Variants in ABTB3 observed in about 807,000 individuals in gnomAD.
The protein encoded by ABTB3 is ankyrin repeat and BTB domain containing 3.
the ABTB3 span, chr12:107,619,925 C>T: frequency 2.8e-6 from 4 of 1,448,496 alleles, no homozygotes; most frequent in Non-Finnish European, 3.7e-6. Context: ...GGTTGTTTTC[C>T]ACCTTTCCCC....
the ABTB3 span, among the ~76,000 whole-genome samples, chr12:107,326,133 G>C: frequency 2.0e-5 from 3 of 152,154 alleles, no homozygotes; most frequent in Admixed American, 2.0e-4. Flanking sequence ...TCGAACTTCT[G>C]ACCTCAGGTG....
the ABTB3 span, among the ~76,000 whole-genome samples, chr12:107,569,900 G>A: frequency 6.6e-6 from 1 of 152,184 alleles, no homozygotes; most frequent in Non-Finnish European, 1.5e-5. Context: ...GGCTTCCACC[G>A]CATGGTCCAA....
the ABTB3 span, among the ~76,000 whole-genome samples, chr12:107,497,657 A>G: frequency 6.6e-6 from 1 of 152,184 alleles, no homozygotes; most frequent in Non-Finnish European, 1.5e-5. Context: ...ATTCTGTTGG[A>G]TGATGGATGA....
At chr12:107,451,100 A>T in the ABTB3 span, among the ~76,000 whole-genome samples, 1 of 152,160 alleles carries the variant, frequency 6.6e-6, no homozygotes. Flanking sequence ...CTGTGATATT[A>T]TGCAACTGCC....
At chr12:107,328,396 T>A in the ABTB3 span, among the ~76,000 whole-genome samples, 5 of 152,342 alleles carry the variant, frequency 3.3e-5, no homozygotes, top group African/African-American at 9.6e-5. Context: ...TATCTTTATC[T>A]TTATTATTAT....
the ABTB3 span, among the ~76,000 whole-genome samples, chr12:107,443,683 C>T: frequency 2.6e-5 from 4 of 152,088 alleles, no homozygotes; most frequent in Non-Finnish European, 5.9e-5. Context: ...CTCTGAGCGT[C>T]GTGTTGGGAA....
At chr12:107,638,819 G>A in the ABTB3 span, among the ~76,000 whole-genome samples, 1 of 152,174 alleles carries the variant, frequency 6.6e-6, no homozygotes, top group African/African-American at 2.4e-5. Context: ...CTGAGGCATG[G>A]GTTGGCTAAA....
chr12:107,470,545 G>A, the ABTB3 span, among the ~76,000 whole-genome samples: 1 of 152,292 alleles, frequency 6.6e-6, no homozygotes, highest in African/African-American at 2.4e-5. Flanking sequence ...CCAGGGTCAC[G>A]GTGTGGGCAG....
chr12:107,504,835 C>G, the ABTB3 span, among the ~76,000 whole-genome samples: 1 of 152,228 alleles, frequency 6.6e-6, no homozygotes, highest in Non-Finnish European at 1.5e-5. Flanking sequence ...ATGCTTCTGA[C>G]AGCTGGTGTG....
the ABTB3 span, among the ~76,000 whole-genome samples, chr12:107,360,216 G>C: frequency 7.9e-5 from 12 of 152,196 alleles, no homozygotes; most frequent in East Asian, 7.7e-4. Context: ...TCCCAGGGGA[G>C]GTGATAGCTG....
the ABTB3 span, among the ~76,000 whole-genome samples, chr12:107,542,912 A>G: frequency 1.3e-5 from 2 of 152,190 alleles, no homozygotes; most frequent in African/African-American, 4.8e-5. Flanking sequence ...GAGGAGAAGG[A>G]AAAGGAGGAG....
chr12:107,515,961 G>A, the ABTB3 span, among the ~76,000 whole-genome samples: 4 of 151,936 alleles, frequency 2.6e-5, no homozygotes, highest in African/African-American at 4.8e-5. Flanking sequence ...AAATGAGAGT[G>A]CCTCACATGT....
At chr12:107,516,883 T>A in the ABTB3 span, among the ~76,000 whole-genome samples, 1 of 152,236 alleles carries the variant, frequency 6.6e-6, no homozygotes, top group Non-Finnish European at 1.5e-5. Flanking sequence ...CCAGATTATT[T>A]TGTCCATGCC....
the ABTB3 span, chr12:107,581,260 C>G: frequency 1.3e-6 from 2 of 1,511,628 alleles, no homozygotes; most frequent in Non-Finnish European, 1.8e-6. Flanking sequence ...GCCAGGCGGC[C>G]CGGCTGCTGC....
the ABTB3 span, among the ~76,000 whole-genome samples, chr12:107,492,730 C>A: frequency 6.6e-6 from 1 of 152,126 alleles, no homozygotes; most frequent in Non-Finnish European, 1.5e-5. Flanking sequence ...AAATCAACCA[C>A]ATTTAACCCA....
At chr12:107,540,604 G>A in the ABTB3 span, among the ~76,000 whole-genome samples, 140 of 152,296 alleles carry the variant, frequency 9.2e-4, 1 homozygote, top group African/African-American at 3.0e-3. Context: ...TCAGTGGATC[G>A]TAGTCTAGTT....
the ABTB3 span, chr12:107,318,763 T>G: frequency 1.5e-6 from 1 of 686,132 alleles, no homozygotes; most frequent in Non-Finnish European, 2.4e-6. Flanking sequence ...CTCTGTATAT[T>G]CCAGCGGCGG....
the ABTB3 span, among the ~76,000 whole-genome samples, chr12:107,578,383 CTTTTTTTTTTTTTTTTTTT>C: frequency 1.0e-4 from 6 of 57,198 alleles, no homozygotes; most frequent in Non-Finnish European, 1.5e-4. Flanking sequence ...CTTTCTTCTT[CTTTTTTTTTTTTTTTTTTT>C]TTTTTTTTTT....
chr12:107,519,304 T>G, the ABTB3 span, among the ~76,000 whole-genome samples: 2 of 148,496 alleles, frequency 1.3e-5, no homozygotes, highest in African/African-American at 5.0e-5. Flanking sequence ...GTTTTTCTTT[T>G]TTCTTTTCTT....
Sources: gnomAD v4.1 joint callset for allele counts (sites outside exome capture counted in the v4.1 genomes callset) on GRCh38, gnomAD v4.1.1 for gene constraint, MANE v1.5 for transcripts, NCBI Gene and HGNC (gene_info 2026-07-23, HGNC 2026-07-21) for gene names.